The following ZNF544 variants were observed in gnomAD, a reference collection of about 807,000 sequenced individuals.
The protein encoded by ZNF544 is zinc finger protein 544.
ZNF544 carries 10 observed loss-of-function variants against 13.5 expected under a neutral mutation model. That is an observed-to-expected ratio of 0.74 (90% CI 0.46 to 1.25). The LOEUF (loss-of-function observed/expected upper bound fraction) is 1.25. ZNF544 is among the 50% of genes most tolerant of loss of function. The pLI is 0.00. For synonymous variants in ZNF544, 323 were observed against 300.5 expected (o/e 1.07, Z -0.77); for missense variants, 896 against 845.6 (o/e 1.06, Z -0.74).
intron 6 of ZNF544, among the ~76,000 whole-genome samples, chr19:58,252,971 C>T (rs1003360407): frequency 5.3e-5 from 8 of 152,162 alleles, no homozygotes; most frequent in Admixed American, 2.0e-4. Flanking sequence ...AGGCACGTGC[C>T]GCCACACCCA....
At chr19:58,254,024 A>G (rs1369516917) in intron 6 of ZNF544, among the ~76,000 whole-genome samples, 1 of 152,154 alleles carries the variant, frequency 6.6e-6, no homozygotes, top group African/African-American at 2.4e-5. Flanking sequence ...GGAGATCAAG[A>G]CCATCCTGGC....
intron 6 of ZNF544, among the ~76,000 whole-genome samples, chr19:58,249,718 C>A (rs2045984737): frequency 6.6e-6 from 1 of 152,176 alleles, no homozygotes; most frequent in Admixed American, 6.5e-5. Flanking sequence ...CTAAGCCCCC[C>A]TTTACAGCAG....
chr19:58,264,702 C>T (rs897755124), downstream of ZNF544, among the ~76,000 whole-genome samples: 109 of 149,172 alleles, frequency 7.3e-4, no homozygotes, highest in Non-Finnish European at 1.4e-3. Flanking sequence ...AAAAAACAAA[C>T]AAACAAACAA....
At chr19:58,268,672 C>T (rs189335162), downstream of ZNF544, among the ~76,000 whole-genome samples, 251 of 152,266 alleles carry the variant, frequency 1.6e-3, 1 homozygote, top group African/African-American at 5.7e-3. Context: ...GATTAGCTAA[C>T]AGTTTAAAAC....
intron 3 of ZNF544, among the ~76,000 whole-genome samples, chr19:58,241,180 T>TATATATATATATATATA (rs1491408473): frequency 1.8e-4 from 12 of 67,360 alleles, no homozygotes; most frequent in Non-Finnish European, 2.9e-4. Context: ...TATATATATA[T>TATATATATATATATATA]TTTTTTTTTT....
At chr19:58,251,468 G>C in intron 6 of ZNF544, 2 of 479,962 alleles carry the variant, frequency 4.2e-6, no homozygotes, top group South Asian at 3.0e-5. Flanking sequence ...ACTGAAAATG[G>C]TCCCTTCCAC....
chr19:58,276,626 C>G (rs1946011513), intron 6 of ZNF544, among the ~76,000 whole-genome samples: 2 of 152,304 alleles, frequency 1.3e-5, no homozygotes, highest in East Asian at 3.9e-4. Flanking sequence ...CGCCACCACA[C>G]CTGGCTAATT....
Position 58,261,645 on chromosome 19 carries a change from A to G in ZNF544, c.1039A>G (p.Ile347Val). 6.2e-7 allele frequency: 1 copy of G among 1,614,250 alleles called. No individual in the cohort carries two copies. Among genetic ancestry groups the G allele is most frequent in the Non-Finnish European group, 8.5e-7 (1 of 1,180,038 alleles). ...MASSFSDCNI[I>V]QTTEKPSVCN... ...CTCATCTTTTTCTGACTGTAACATC[A>G]TTCAGACTACAGAGAAGCCATCTGT... The change falls in exon 7 of 7, where the codon ATT becomes GTT. Residue 347 changes from isoleucine to valine, a missense_variant. Transcript: ENST00000687789.
In ZNF544 at chr19:58,262,321, G is replaced by A. The variant is rs762798914; in HGVS notation, c.1715G>A (p.Gly572Glu). The A allele has an allele frequency of 6.8e-6, 11 of 1,613,872 alleles. No individual in the cohort carries two copies. The highest frequency in any genetic ancestry group is 6.7e-5 in the East Asian group (3 of 44,892). The change falls in exon 7 of 7, where the codon GGA becomes GAA. Residue 572 changes from glycine to glutamate, a missense_variant. Gly to Glu is a moderately conservative substitution (Grantham distance 98, BLOSUM62 -2). Coordinates refer to ENST00000687789, the MANE Select transcript of ZNF544 (RefSeq NM_014480.4). ...GTCATACATCAGAGAATTCATACTG[G>A]AGAGAAACCGTACGATTGCACTCAC... ...NLVIHQRIHTGEKPYDCTHCG... is the reference protein window; with the variant it reads ...NLVIHQRIHTEEKPYDCTHCG...
intron 3 of ZNF544, among the ~76,000 whole-genome samples, chr19:58,240,280 CAG>C (rs1228274299): frequency 1.3e-5 from 2 of 150,242 alleles, no homozygotes; most frequent in South Asian, 2.1e-4. Context: ...TTTTTGGAGA[CAG>C]AGTTTTGCTC....
At chr19:58,236,204 T>C (rs11669778) in intron 3 of ZNF544, among the ~76,000 whole-genome samples, 23,705 of 151,728 alleles carry the variant, frequency 0.16, 2,218 homozygotes, top group Middle Eastern at 0.3. Context: ...ACCCCATCTC[T>C]ATTTTGAAAA....
Position 58,262,823 on chromosome 19 carries a change from C to CA in ZNF544, c.*69_*70insA. ...TCATCATGCACCAGAGGACGCATGT[C>CA]GGTGGGAAGAGCTATCAGTGTGACG... On this transcript the variant is annotated 3_prime_UTR_variant, in exon 7 of 7. Transcript: ENST00000687789. The CA allele has an allele frequency of 6.5e-7, 1 of 1,528,138 alleles. No homozygotes were observed. The highest frequency in any genetic ancestry group is 8.8e-7 in the Non-Finnish European group (1 of 1,139,394). 94.7% of individuals were successfully genotyped at this position (1,528,138 alleles called of 1,614,324 possible).
chr19:58,274,769 T>C (rs907839525), intron 5 of ZNF544, among the ~76,000 whole-genome samples: 6 of 152,152 alleles, frequency 3.9e-5, no homozygotes, highest in African/African-American at 1.4e-4. Context: ...CTTAAGGCAG[T>C]TGAGTTCCCA....
intron 6 of ZNF544, chr19:58,257,749 G>A (rs1044970915): frequency 6.6e-5 from 10 of 152,184 alleles, no homozygotes; most frequent in Non-Finnish European, 1.5e-4. Context: ...TCTTTATCCT[G>A]TCTCCATAGT....
chr19:58,251,355 T>A (rs900477404), intron 6 of ZNF544: 9 of 518,926 alleles, frequency 1.7e-5, no homozygotes, highest in Non-Finnish European at 3.5e-5. Flanking sequence ...TGATGGGAGC[T>A]TCAGGTTCCC....
At chr19:58,255,107 C>G (rs1032759182) in intron 6 of ZNF544, among the ~76,000 whole-genome samples, 2 of 151,730 alleles carry the variant, frequency 1.3e-5, no homozygotes, top group Non-Finnish European at 2.9e-5. Context: ...CCAGGATGGT[C>G]TCGATCTCCT....
intron 6 of ZNF544, among the ~76,000 whole-genome samples, chr19:58,256,861 A>G (rs1402911226): frequency 1.3e-5 from 2 of 152,208 alleles, no homozygotes; most frequent in Non-Finnish European, 2.9e-5. Flanking sequence ...TCTTATTTAC[A>G]TGAGAAGCAA....
intron 3 of ZNF544, among the ~76,000 whole-genome samples, chr19:58,237,374 T>G (rs1056748393): frequency 6.6e-6 from 1 of 152,142 alleles, no homozygotes; most frequent in East Asian, 1.9e-4. Flanking sequence ...TCTGTTCATC[T>G]TAAGCCAACA....
At chr19:58,236,458 C>T (rs373452676) in intron 3 of ZNF544, among the ~76,000 whole-genome samples, 42 of 143,894 alleles carry the variant, frequency 2.9e-4, no homozygotes, top group African/African-American at 6.7e-4. Flanking sequence ...GATCGCTTGG[C>T]GCCATTGCAC....
Sources: gnomAD v4.1 joint callset for allele counts (sites outside exome capture counted in the v4.1 genomes callset) on GRCh38, gnomAD v4.1.1 for gene constraint, MANE v1.5 for transcripts, NCBI Gene and HGNC (gene_info 2026-07-23, HGNC 2026-07-21) for gene names.